Variants in LRRFIP2 observed in about 807,000 individuals in gnomAD.
LRRFIP2 encodes the protein LRR binding FLII interacting protein 2, also known as leucine-rich repeat flightless-interacting protein 2.
A neutral mutation model predicts 125.9 loss-of-function variants in LRRFIP2; 109 were observed. The ratio of observed to expected loss-of-function variants is 0.87; its 90% confidence interval spans 0.74 to 1.01. The LOEUF is 1.01. LRRFIP2 is among the 50% of genes least tolerant of loss of function. LRRFIP2 has a pLI of 0.00. For missense variants in LRRFIP2, 850 were observed against 862.3 expected (o/e 0.99, Z 0.18); for synonymous variants, 291 against 293.1 (o/e 0.99, Z 0.07).
intron 6 of LRRFIP2, among the ~76,000 whole-genome samples, chr3:37,120,910 T>C (rs2095004034): frequency 6.6e-6 from 1 of 152,180 alleles, no homozygotes; most frequent in Non-Finnish European, 1.5e-5. Flanking sequence ...AATTAGGGTC[T>C]TGGCATAATA....
intron 25 of LRRFIP2, among the ~76,000 whole-genome samples, chr3:37,055,540 T>G (rs1210411886): frequency 2.6e-5 from 4 of 152,022 alleles, no homozygotes; most frequent in Non-Finnish European, 4.4e-5. Context: ...CACTCCAGCC[T>G]GGCAACAGAG....
chr3:37,171,986 C>T (rs754965525), intron 1 of LRRFIP2, among the ~76,000 whole-genome samples: 13 of 152,062 alleles, frequency 8.5e-5, no homozygotes, highest in Non-Finnish European at 1.6e-4. Context: ...TTTTAAGTAC[C>T]TTATAAAATA....
chr3:37,151,199 AAATAC>A (rs2096012360), intron 1 of LRRFIP2, among the ~76,000 whole-genome samples: 1 of 152,060 alleles, frequency 6.6e-6, no homozygotes, highest in South Asian at 2.1e-4. Context: ...TCTCTACTAA[AAATAC>A]AAAAATTAGC....
chr3:37,061,690 C>T (rs1169948980), intron 24 of LRRFIP2, among the ~76,000 whole-genome samples: 2 of 152,042 alleles, frequency 1.3e-5, no homozygotes, highest in East Asian at 1.9e-4. Context: ...CCCAGTCAAA[C>T]ATCTTTTCTT....
chr3:37,063,959 TTAAC>T, intron 23 of LRRFIP2, 168 bp from the exon 24 acceptor site: 2 of 576,616 alleles, frequency 3.5e-6, no homozygotes, highest in Non-Finnish European at 6.3e-6. Context: ...AGAAAAGTTC[TTAAC>T]TATCTAAAAA....
At chr3:37,076,684 T>C (rs895419172) in intron 19 of LRRFIP2, among the ~76,000 whole-genome samples, 3 of 151,966 alleles carry the variant, frequency 2.0e-5, no homozygotes, top group African/African-American at 7.3e-5. Flanking sequence ...CTGACCAACA[T>C]AGAGAAACCC....
chr3:37,105,589 T>TAC, intron 13 of LRRFIP2, 66 bp from the exon 14 acceptor site: 1 of 1,187,418 alleles, frequency 8.4e-7, no homozygotes, highest in South Asian at 1.2e-5. Context: ...TCATTATAAG[T>TAC]ACATTAAGGA....
chr3:37,144,416 T>C (rs1454140828), intron 2 of LRRFIP2, among the ~76,000 whole-genome samples: 2 of 152,200 alleles, frequency 1.3e-5, no homozygotes, highest in Non-Finnish European at 2.9e-5. Flanking sequence ...TGGATACTTA[T>C]ATTATTGCCA....
chr3:37,128,425 T>C (rs1324308962), intron 3 of LRRFIP2, among the ~76,000 whole-genome samples: 1 of 151,938 alleles, frequency 6.6e-6, no homozygotes, highest in East Asian at 1.9e-4. Flanking sequence ...TTCTTAAAAA[T>C]TTTTTTCTTG....
intron 4 of LRRFIP2, among the ~76,000 whole-genome samples, chr3:37,125,938 ATTTTTTTC>A (rs1341553981): frequency 6.6e-6 from 1 of 152,014 alleles, no homozygotes; most frequent in Non-Finnish European, 1.5e-5. Flanking sequence ...AATCAGTTTA[ATTTTTTTC>A]TTTTTTTCTT....
At chr3:37,124,932 C>A (rs1459864764) in intron 4 of LRRFIP2, among the ~76,000 whole-genome samples, 2 of 151,976 alleles carry the variant, frequency 1.3e-5, no homozygotes, top group Non-Finnish European at 2.9e-5. Context: ...TTCTTAGGTG[C>A]CAGTTACAAG....
intron 20 of LRRFIP2, among the ~76,000 whole-genome samples, chr3:37,074,493 G>C (rs2091745974): frequency 2.0e-5 from 3 of 152,154 alleles, no homozygotes; most frequent in Admixed American, 2.0e-4. Flanking sequence ...AAGAGTTCTT[G>C]GTAGACTATG....
chr3:37,071,587 G>T (rs962447799), intron 21 of LRRFIP2, among the ~76,000 whole-genome samples: 1 of 152,172 alleles, frequency 6.6e-6, no homozygotes, highest in Non-Finnish European at 1.5e-5. Context: ...GGATCCTGCT[G>T]ACTACTGGTT....
rs2094877951 is a variant in LRRFIP2, at chr3:37,118,152, C to T, written c.331-3057G>A. ...TCAACGCTCACTGCAGCCTCGACTT[C>T]CCGGACAGCTCCCACCTCAGCCTCC... On this transcript the variant is annotated intron_variant, in intron 6 of 27. Coordinates refer to ENST00000336686, the MANE Select transcript of LRRFIP2 (RefSeq NM_006309.4). Among the ~76,000 whole-genome samples the T allele has an allele frequency of 2.0e-5, 3 of 152,140 alleles. No individual in the cohort carries two copies. In the South Asian group the frequency reaches 6.2e-4, roughly 32 times the overall value.
In LRRFIP2 at chr3:37,172,580, C is replaced by G. The variant is rs570253814; in HGVS notation, c.-56+1959G>C. Reference sequence around the variant, plus strand: ...CAATTTTTAAAAGTCCCATAAACATCTACTGAACCCATGAAATAAGCATTC... The same window carrying G: ...CAATTTTTAAAAGTCCCATAAACATGTACTGAACCCATGAAATAAGCATTC... On this transcript the variant is annotated intron_variant, in intron 1 of 27. Coordinates refer to ENST00000336686, the MANE Select transcript of LRRFIP2 (RefSeq NM_006309.4). Among the ~76,000 whole-genome samples, 8 of 152,266 alleles carry G rather than the reference C, an allele frequency of 5.3e-5. No individual in the cohort carries two copies. The East Asian group carries it at 1.2e-3, about 22-fold the overall frequency.
chr3:37,164,470 C>T (rs1018643432), intron 1 of LRRFIP2, among the ~76,000 whole-genome samples: 1 of 152,128 alleles, frequency 6.6e-6, no homozygotes, highest in Non-Finnish European at 1.5e-5. Flanking sequence ...GTAATTCCAG[C>T]ACTTTGGAAG....
chr3:37,113,718 A>AAT (rs1182952005), intron 7 of LRRFIP2, among the ~76,000 whole-genome samples: 1 of 152,348 alleles, frequency 6.6e-6, no homozygotes, highest in East Asian at 1.9e-4. Context: ...ACATGACATT[A>AAT]AACTGTCCCA....
chr3:37,126,871 AG>A lies in LRRFIP2; in HGVS notation c.228+758del, dbSNP rs1290565453. ...CGAAACTCCATCTCAAAAAAAAAAA[AG>A]AAAGAAAGAAAGAAAGAAAGTTGCT... On this transcript the variant is annotated intron_variant, in intron 4 of 27. Transcript: ENST00000336686. Among the ~76,000 whole-genome samples the A allele has an allele frequency of 1.0e-4, 15 of 147,876 alleles. No homozygotes were observed. In the South Asian group the frequency reaches 1.5e-3, roughly 14 times the overall value.
intron 25 of LRRFIP2, among the ~76,000 whole-genome samples, 153 bp downstream of exon 25, chr3:37,058,637 T>G (rs1312034130): frequency 6.7e-6 from 1 of 149,518 alleles, no homozygotes; most frequent in Non-Finnish European, 1.5e-5. Flanking sequence ...ATTGCACCAC[T>G]GCACTCTGAC....
Sources: allele counts gnomAD v4.1 joint callset (sites outside exome capture counted in the v4.1 genomes callset), GRCh38; gene constraint gnomAD v4.1.1; transcripts MANE v1.5; gene names NCBI Gene and HGNC (gene_info 2026-07-23, HGNC 2026-07-21).